Variants in TG observed in about 807,000 individuals in gnomAD.
The protein encoded by TG is thyroglobulin.
Under a neutral mutation model 324.7 loss-of-function variants are expected in TG, and 270 were observed. The observed-to-expected ratio is 0.83, with a 90% CI of 0.75 to 0.92. The LOEUF (loss-of-function observed/expected upper bound fraction) is 0.92. Among genes scored for constraint, TG ranks in the 40% least tolerant of loss-of-function variants. TG has a pLI of 0.00. For synonymous variants in TG, 1,401 were observed against 1,327.0 expected (o/e 1.06, Z -1.21); for missense variants, 3,591 against 3,456.4 (o/e 1.04, Z -0.98).
At chr8:133,067,830 G>C (rs1463409454) in intron 41 of TG, among the ~76,000 whole-genome samples, 1 of 149,984 alleles carries the variant, frequency 6.7e-6, no homozygotes, top group Non-Finnish European at 1.5e-5. Flanking sequence ...GGAAGGGGGA[G>C]AGAGAGAGAG....
At position 132,936,735 on chromosome 8, in the gene TG, C is replaced by G. The variant is rs545947129; in HGVS notation, c.5041+871C>G. Among the ~76,000 whole-genome samples the G allele has an allele frequency of 5.3e-5, 8 of 152,342 alleles. No homozygotes were observed. The East Asian group carries it at 1.5e-3, about 29-fold the overall frequency. The stretch of plus-strand genomic sequence containing the variant: ...CTCTTCTGCCCCACCCTGCTCACCC[C>G]CTGCCTCCTCTCCGGTGGGGTGGAA... On this transcript the variant is annotated intron_variant, in intron 25 of 47. Transcript: ENST00000220616.
chr8:133,096,387 G>T lies in TG; in HGVS notation c.7572+14G>T, dbSNP rs776480497. On this transcript the variant is annotated intron_variant, in intron 43 of 47. Transcript: ENST00000220616. ...AAGGCTGTGAAGGTAAGCAGGGAGG[G>T]GGCCTCGGATGTCTCCAGCTGGGCA... 1.2e-6 allele frequency: 2 copies of T among 1,614,090 alleles called. No individual in the cohort carries two copies. The highest frequency in any genetic ancestry group is 1.7e-6 in the Non-Finnish European group (2 of 1,179,962).
At chr8:132,905,863 T>A (rs1238296085) in intron 16 of TG, among the ~76,000 whole-genome samples, 1 of 152,086 alleles carries the variant, frequency 6.6e-6, no homozygotes, top group Non-Finnish European at 1.5e-5. Flanking sequence ...GAGTTGATAT[T>A]TGAGGGTCAA....
intron 10 of TG, among the ~76,000 whole-genome samples, chr8:132,892,031 C>T (rs1270894912): frequency 6.6e-6 from 1 of 152,112 alleles, no homozygotes; most frequent in East Asian, 1.9e-4. Context: ...GACTAGATGC[C>T]CCAATTTTTC....
chr8:133,031,806 C>T (rs1013850662), intron 41 of TG, among the ~76,000 whole-genome samples: 5 of 152,178 alleles, frequency 3.3e-5, no homozygotes, highest in Non-Finnish European at 7.3e-5. Flanking sequence ...CTGGCTCATA[C>T]AGGCAGTTTC....
chr8:132,890,559 C>A (rs1816086758), intron 10 of TG, among the ~76,000 whole-genome samples: 2 of 152,126 alleles, frequency 1.3e-5, no homozygotes, highest in Non-Finnish European at 2.9e-5. Flanking sequence ...GGAGGACTGG[C>A]CTGGAGGACA....
In TG at chr8:132,886,606, A is replaced by G; in HGVS notation, c.1234A>G (p.Ile412Val). 4 of 1,614,128 alleles carry G rather than the reference A, an allele frequency of 2.5e-6. No homozygotes were observed. Among genetic ancestry groups the G allele is most frequent in the Middle Eastern group, 1.6e-4 (1 of 6,062 alleles). Residue 412 changes from isoleucine to valine, a missense_variant, in exon 9 of 48, where the codon ATC becomes GTC. Ile to Val is a conservative substitution (Grantham distance 29, BLOSUM62 3). Coordinates refer to ENST00000220616, the MANE Select transcript of TG (RefSeq NM_003235.5). The stretch of plus-strand genomic sequence containing the variant: ...ATTTGCCACATCCTGCCCACCCACG[A>G]TCAAGGAGCTCTTTGTGGACTCTGG... ...ARFATSCPPT[I>V]KELFVDSGLL...
intron 15 of TG, 29 bp from the exon 16 acceptor site, chr8:132,901,324 C>T (rs748864199): frequency 6.2e-7 from 1 of 1,613,198 alleles, no homozygotes; most frequent in East Asian, 2.2e-5. Context: ...CACTGATTCC[C>T]CAGCCCATCT....
chr8:132,899,613 A>G (rs1428431640), intron 14 of TG, among the ~76,000 whole-genome samples: 1 of 152,242 alleles, frequency 6.6e-6, no homozygotes, highest in South Asian at 2.1e-4. Context: ...CCACTTAAGC[A>G]TAGTTTCATA....
rs2229843 is a variant in TG at position 132,888,417 on chromosome 8, G to A, written c.2610G>A (p.Gln870=). The A allele has an allele frequency of 6.2e-7, 1 of 1,613,452 alleles. No homozygotes were observed. Among genetic ancestry groups the A allele is most frequent in the Admixed American group, 1.7e-5 (1 of 59,970 alleles). ...TCCTGGAGCCCTACCTCTTCTGGCA[G>A]ATCTTAAATGGCCAACTCAGCCAAT... is the stretch of plus-strand genomic sequence containing the variant. The part of the protein sequence containing the change: ...NILLEPYLFW[Q]ILNGQLSQYP... The change falls in exon 10 of 48, where the codon CAG becomes CAA. Residue 870 remains glutamine, a synonymous_variant. Transcript: ENST00000220616.
intron 43 of TG, among the ~76,000 whole-genome samples, chr8:133,101,438 A>G (rs1242133664): frequency 6.6e-6 from 1 of 152,154 alleles, no homozygotes; most frequent in African/African-American, 2.4e-5. Context: ...TCCAACCACC[A>G]TCAGCCAAGG....
chr8:133,126,413 T>C (rs1851523447), intron 45 of TG, among the ~76,000 whole-genome samples: 1 of 152,196 alleles, frequency 6.6e-6, no homozygotes, highest in African/African-American at 2.4e-5. Context: ...AAAGTTCATT[T>C]TTTTCTGGAC....
chr8:132,873,238 T>C lies in TG; in HGVS notation c.638+17T>C, dbSNP rs1307393251. ...CTACAACAGGTAAGGGGAGCAGGGG[T>C]GTGCCAGTCACTGGGCCATCACCTG... On this transcript the variant is annotated intron_variant, in intron 5 of 47. Transcript: ENST00000220616. 3.7e-6 allele frequency: 6 copies of C among 1,613,786 alleles called. No individual in the cohort carries two copies. Among genetic ancestry groups the C allele is most frequent in the South Asian group, 2.2e-5 (2 of 91,030 alleles).
At chr8:133,057,774 C>CAAAAAAAAAA (rs5895173) in intron 41 of TG, among the ~76,000 whole-genome samples, 12 of 142,024 alleles carry the variant, frequency 8.4e-5, no homozygotes, top group Middle Eastern at 3.8e-3. Flanking sequence ...AAACAAAAAA[C>CAAAAAAAAAA]AAAAAAAAAA....
chr8:132,916,980 TCCTTCCTTCTTTCCCTC>T (rs1820379704), intron 20 of TG, among the ~76,000 whole-genome samples: 1 of 150,900 alleles, frequency 6.6e-6, no homozygotes, highest in South Asian at 2.1e-4. Flanking sequence ...TTTCCTTCCT[TCCTTCCTTCTTTCCCTC>T]CAACCCTCCC....
chr8:132,990,953 C>T (rs1324448000), intron 35 of TG, among the ~76,000 whole-genome samples: 1 of 147,566 alleles, frequency 6.8e-6, no homozygotes. Flanking sequence ...GTTAATTCTA[C>T]CAACAGGGGT....
chr8:132,924,482 T>C (rs1821543823), intron 22 of TG, among the ~76,000 whole-genome samples: 1 of 152,176 alleles, frequency 6.6e-6, no homozygotes, highest in Non-Finnish European at 1.5e-5. Flanking sequence ...GTCTCCCCAG[T>C]GGCTTTCAGT....
chr8:132,969,341 A>C (rs565841260), intron 31 of TG, 117 bp from the exon 32 acceptor site: 31 of 768,706 alleles, frequency 4.0e-5, no homozygotes, highest in Admixed American at 1.6e-4. Flanking sequence ...TTTAATATGA[A>C]TTTAATATGT....
At chr8:133,042,374 C>T (rs1418333764) in intron 41 of TG, among the ~76,000 whole-genome samples, 1 of 152,142 alleles carries the variant, frequency 6.6e-6, no homozygotes, top group African/African-American at 2.4e-5. Context: ...TCAAGGTCCC[C>T]AGCCCTTGAT....
Sources: gnomAD v4.1 joint callset for allele counts (sites outside exome capture counted in the v4.1 genomes callset) on GRCh38, gnomAD v4.1.1 for gene constraint, MANE v1.5 for transcripts, NCBI Gene and HGNC (gene_info 2026-07-23, HGNC 2026-07-21) for gene names.